TLN2: variants seen among roughly 807,000 people sequenced by gnomAD.
TLN2 encodes the protein talin 2.
TLN2 carries 118 observed loss-of-function variants against 294.7 expected under a neutral mutation model. The observed-to-expected ratio is 0.40, with a 90% confidence interval of 0.34 to 0.47. The LOEUF (loss-of-function observed/expected upper bound fraction) is 0.47, where lower values mean the gene tolerates loss of function less well. Among genes scored for constraint, TLN2 ranks in the 20% least tolerant of loss-of-function variants. The probability of loss-of-function intolerance (pLI) is 0.84; values close to 1 mark genes in which losing one functional copy is unlikely to be tolerated. For missense variants in TLN2, 3,083 were observed against 3,282.2 expected, an observed-to-expected ratio of 0.94 and a Z score of 1.48; for synonymous variants, 1,431 against 1,304.5, an observed-to-expected ratio of 1.10 and a Z score of -2.09.
intron 9 of TLN2, among the ~76,000 whole-genome samples, chr15:62,667,534 G>C (rs6494345): frequency 0.86 from 131,507 of 152,050 alleles, 59,771 homozygotes; most frequent in Non-Finnish European, 1. Context: ...GATCCCCTCC[G>C]CTCTCACAAA....
At chr15:62,749,232 C>G (rs1364329685) in intron 33 of TLN2, among the ~76,000 whole-genome samples, 1 of 152,170 alleles carries the variant, frequency 6.6e-6, no homozygotes, top group African/African-American at 2.4e-5. Flanking sequence ...TGATTGAGGC[C>G]CTGGTACTGG....
intron 1 of TLN2, among the ~76,000 whole-genome samples, chr15:62,509,481 A>G (rs115482484): frequency 9.6e-4 from 146 of 152,332 alleles, no homozygotes; most frequent in African/African-American, 3.3e-3. Context: ...CAAACTTTCA[A>G]GGTGTCTTCT....
At chr15:62,504,937 A>G (rs1159881823) in intron 1 of TLN2, among the ~76,000 whole-genome samples, 3 of 150,426 alleles carry the variant, frequency 2.0e-5, no homozygotes, top group Non-Finnish European at 4.4e-5. Context: ...TAACATTAAA[A>G]AACAGAAACA....
chr15:62,452,486 G>T (rs1029039485), intron 1 of TLN2, among the ~76,000 whole-genome samples: 1 of 152,186 alleles, frequency 6.6e-6, no homozygotes, highest in African/African-American at 2.4e-5. Flanking sequence ...TTAACCATTT[G>T]TAAGTGTATA....
chr15:62,677,581 T>G (rs530744184), intron 11 of TLN2, among the ~76,000 whole-genome samples: 171 of 152,300 alleles, frequency 1.1e-3, no homozygotes, highest in African/African-American at 4.0e-3. Context: ...AGCAAAGATC[T>G]TCTCATTATA....
At chr15:62,795,435 C>T (rs534923156) in intron 46 of TLN2, among the ~76,000 whole-genome samples, 47 of 152,164 alleles carry the variant, frequency 3.1e-4, no homozygotes, top group African/African-American at 9.9e-4. Flanking sequence ...TGAGGGTGTA[C>T]GTGATGGGTG....
intron 2 of TLN2, among the ~76,000 whole-genome samples, chr15:62,613,413 G>T (rs915168825): frequency 6.6e-6 from 1 of 152,112 alleles, no homozygotes; most frequent in Non-Finnish European, 1.5e-5. Context: ...AGGGGATCCC[G>T]TGTCCTACAA....
intron 1 of TLN2, among the ~76,000 whole-genome samples, chr15:62,465,008 C>T (rs966931804): frequency 2.7e-5 from 4 of 150,396 alleles, no homozygotes; most frequent in Non-Finnish European, 5.9e-5. Context: ...TCAGAGTTTT[C>T]AGTAGTCTTT....
chr15:62,480,855 C>T (rs1474317051), intron 1 of TLN2, among the ~76,000 whole-genome samples: 5 of 152,176 alleles, frequency 3.3e-5, no homozygotes, highest in African/African-American at 4.8e-5. Flanking sequence ...CTAAAGTGTT[C>T]AGACCTTTCC....
At chr15:62,656,125 T>G (rs749215475) in intron 8 of TLN2, 39 bp downstream of exon 8, 1 of 1,604,256 alleles carries the variant, frequency 6.2e-7, no homozygotes, top group South Asian at 1.1e-5. Context: ...GTTGGTGAGA[T>G]TGCAGGAAGC....
intron 1 of TLN2, among the ~76,000 whole-genome samples, chr15:62,519,745 T>A (rs1177381571): frequency 6.6e-6 from 1 of 152,252 alleles, no homozygotes; most frequent in Non-Finnish European, 1.5e-5. Context: ...CTACACAGTT[T>A]TCAGTGAAAG....
chr15:62,598,556 GC>G (rs1481649234), intron 2 of TLN2, among the ~76,000 whole-genome samples: 5 of 152,076 alleles, frequency 3.3e-5, no homozygotes, highest in Admixed American at 1.3e-4. Context: ...ACCCAACCCT[GC>G]TGGTAAATGG....
intron 2 of TLN2, among the ~76,000 whole-genome samples, chr15:62,617,875 G>C (rs887731663): frequency 9.2e-5 from 14 of 151,934 alleles, no homozygotes; most frequent in African/African-American, 3.4e-4. Flanking sequence ...CAGAACTGTA[G>C]TCTTCCAGTT....
At chr15:62,396,185 T>A (rs2032531991) in intron 1 of TLN2, among the ~76,000 whole-genome samples, 1 of 152,212 alleles carries the variant, frequency 6.6e-6, no homozygotes, top group Admixed American at 6.5e-5. Context: ...TGGAGAAAGA[T>A]GTGTAAGGAC....
intron 1 of TLN2, among the ~76,000 whole-genome samples, chr15:62,568,923 G>A (rs1307848485): frequency 6.6e-6 from 1 of 152,178 alleles, no homozygotes; most frequent in African/African-American, 2.4e-5. Flanking sequence ...AACAGCTGGT[G>A]GCTTGTAACG....
intron 1 of TLN2, among the ~76,000 whole-genome samples, chr15:62,478,536 T>C (rs1041462136): frequency 2.6e-5 from 4 of 152,050 alleles, no homozygotes; most frequent in African/African-American, 7.2e-5. Context: ...GCAGACTTCT[T>C]GTCTACCTCT....
rs1261778072 is a variant in TLN2 at position 62,842,986 on chromosome 15, G to A, written c.*2376G>A. On this transcript the variant is annotated 3_prime_UTR_variant, in exon 59 of 59. Coordinates refer to ENST00000636159, the MANE Select transcript of TLN2 (RefSeq NM_015059.3). ...TTGAAGGGCCATGCCTTGTCTGGAT[G>A]TTATTTAATAGGCACTACTGCGGTG... 1.3e-5 allele frequency: 2 copies of A among 152,212 alleles called. No homozygotes were observed. The highest frequency in any genetic ancestry group is 2.9e-5 in the Non-Finnish European group (2 of 68,048). The allele number at this position is 152,212 out of a possible 1,614,324, so 9.4% of individuals were successfully genotyped here.
chr15:62,699,385 A>ATTT (rs111261040), intron 16 of TLN2, among the ~76,000 whole-genome samples: 36 of 142,124 alleles, frequency 2.5e-4, no homozygotes, highest in Non-Finnish European at 1.9e-4. Flanking sequence ...CTCTTCCTCT[A>ATTT]TTTTTTTTTT....
rs755352452 is a variant in TLN2 at position 62,737,089 on chromosome 15, G to A, written c.3567+3G>A. ...AGCGTCAACAAAGACTGGCTCAGGTGAGGCTAGGAATGAGAAATTGTGGTT... is the reference window on the plus strand; with the variant it reads ...AGCGTCAACAAAGACTGGCTCAGGTAAGGCTAGGAATGAGAAATTGTGGTT... On this transcript the variant is annotated splice_donor_region_variant and intron_variant, in intron 29 of 58. Coordinates refer to ENST00000636159, the MANE Select transcript of TLN2 (RefSeq NM_015059.3). 1.9e-6 allele frequency: 3 copies of A among 1,614,062 alleles called. No individual in the cohort carries two copies.
Sources: gnomAD v4.1 joint callset for allele counts (sites outside exome capture counted in the v4.1 genomes callset) on GRCh38, gnomAD v4.1.1 for gene constraint, MANE v1.5 for transcripts, NCBI Gene and HGNC (gene_info 2026-07-23, HGNC 2026-07-21) for gene names.